The following PPM1H variants were observed in gnomAD, a reference collection of about 807,000 sequenced individuals.
PPM1H encodes the protein protein phosphatase 1H.
A neutral mutation model predicts 54.9 loss-of-function variants in PPM1H; 27 were observed. That is an observed-to-expected ratio of 0.49 (90% confidence interval 0.36 to 0.68). The LOEUF is 0.68. Among genes scored for constraint, PPM1H ranks in the 30% least tolerant of loss-of-function variants. The pLI is 0.00. For missense variants in PPM1H, 596 were observed against 667.8 expected (o/e 0.89, Z 1.19); for synonymous variants, 305 against 270.8 (o/e 1.13, Z -1.24).
chr12:62,928,936 G>T (rs1872051184), intron 1 of PPM1H, among the ~76,000 whole-genome samples: 1 of 152,150 alleles, frequency 6.6e-6, no homozygotes, highest in African/African-American at 2.4e-5. Flanking sequence ...ATTGTAACAA[G>T]TGTCAGAATA....
rs548936688 is a variant in PPM1H at position 62,765,624 on chromosome 12, A to AAG, written c.869+22600_869+22601dup. 4.7e-3 allele frequency among the ~76,000 whole-genome samples: 711 copies of AAG among 152,292 alleles called. 4 individuals are homozygous for AAG. Among genetic ancestry groups the AAG allele is most frequent in the African/African-American group, 0.016 (674 of 41,546 alleles). On this transcript the variant is annotated intron_variant, in intron 4 of 9. Transcript: ENST00000228705. ...ACAAACAAGCTCTGGCCTATTAGGG[A>AAG]AGAGAGAGAGACACCCAGTTACAGT...
At chr12:62,881,667 GAACCCTGACA>G (rs894645608) in intron 1 of PPM1H, among the ~76,000 whole-genome samples, 1 of 152,070 alleles carries the variant, frequency 6.6e-6, no homozygotes, top group Non-Finnish European at 1.5e-5. Flanking sequence ...TTCTCTGGTT[GAACCCTGACA>G]AACCCTGACA....
intron 1 of PPM1H, among the ~76,000 whole-genome samples, chr12:62,917,007 T>C (rs922601847): frequency 6.6e-6 from 1 of 152,078 alleles, no homozygotes; most frequent in African/African-American, 2.4e-5. Context: ...TTCTGAACAT[T>C]ATGAAAATGT....
intron 1 of PPM1H, among the ~76,000 whole-genome samples, chr12:62,852,876 C>T (rs1459703526): frequency 6.6e-6 from 1 of 152,236 alleles, no homozygotes; most frequent in Non-Finnish European, 1.5e-5. Flanking sequence ...ACAGCATCAG[C>T]TAGAAAGTAT....
chr12:62,889,289 G>A (rs1870698785), intron 1 of PPM1H, among the ~76,000 whole-genome samples: 2 of 152,084 alleles, frequency 1.3e-5, no homozygotes, highest in African/African-American at 4.8e-5. Context: ...TAAATGGGAA[G>A]GCAAAAGACC....
chr12:62,731,653 T>C (rs1182675832), intron 5 of PPM1H, among the ~76,000 whole-genome samples: 3 of 152,222 alleles, frequency 2.0e-5, no homozygotes, highest in Admixed American at 6.5e-5. Flanking sequence ...AAATATGTAC[T>C]TGAAACCCAC....
intron 4 of PPM1H, 62 bp from the exon 5 acceptor site, chr12:62,737,648 C>T: frequency 1.6e-6 from 2 of 1,224,766 alleles, no homozygotes; most frequent in South Asian, 1.4e-5. Context: ...TCTGTTACAA[C>T]CATTGCTTGG....
chr12:62,816,367 C>T (rs117719774), intron 2 of PPM1H, among the ~76,000 whole-genome samples: 1,557 of 152,298 alleles, frequency 0.01, 15 homozygotes, highest in South Asian at 0.022. Flanking sequence ...TGAGCACGGA[C>T]GTGACATCAC....
intron 1 of PPM1H, among the ~76,000 whole-genome samples, chr12:62,873,129 C>T (rs1318217723): frequency 6.6e-6 from 1 of 152,176 alleles, no homozygotes; most frequent in African/African-American, 2.4e-5. Flanking sequence ...TATAACTCAT[C>T]TGAGTTGGGT....
At chr12:62,849,439 T>C (rs1171885876) in intron 1 of PPM1H, among the ~76,000 whole-genome samples, 2 of 152,196 alleles carry the variant, frequency 1.3e-5, no homozygotes, top group African/African-American at 2.4e-5. Context: ...CAGATAGCCA[T>C]TGGGTGGTAA....
intron 3 of PPM1H, among the ~76,000 whole-genome samples, chr12:62,791,268 G>C (rs1223508404): frequency 1.3e-5 from 2 of 152,104 alleles, no homozygotes; most frequent in Non-Finnish European, 2.9e-5. Flanking sequence ...CTGGTAGAAG[G>C]CTGGAGGATG....
intron 9 of PPM1H, among the ~76,000 whole-genome samples, chr12:62,650,740 A>C (rs551555820): frequency 6.6e-6 from 1 of 152,214 alleles, no homozygotes; most frequent in Admixed American, 6.5e-5. Context: ...GAAGGGGGGA[A>C]ATGCCACACT....
chr12:62,801,572 C>G (rs1301896657), intron 3 of PPM1H, among the ~76,000 whole-genome samples: 1 of 152,208 alleles, frequency 6.6e-6, no homozygotes, highest in African/African-American at 2.4e-5. Flanking sequence ...TCCCAAAGTG[C>G]TGGGATTTCA....
Position 62,802,161 on chromosome 12 carries a change from C to T in PPM1H, c.412-1G>A. ...AGTGGCAGGAAACACCCTCGGATTC[C>T]TGTGGGAGAGGACGACAGGGAGGAG... is the stretch of plus-strand genomic sequence containing the variant. On this transcript the variant is annotated splice_acceptor_variant, in intron 2 of 9. Coordinates refer to ENST00000228705, the MANE Select transcript of PPM1H (RefSeq NM_020700.2). LOFTEE classifies it high-confidence loss of function. The T allele has an allele frequency of 6.4e-7, 1 of 1,558,050 alleles. No homozygotes were observed. The highest frequency in any genetic ancestry group is 8.7e-7 in the Non-Finnish European group (1 of 1,149,524).
At chr12:62,883,690 CA>C (rs1443373131) in intron 1 of PPM1H, among the ~76,000 whole-genome samples, 1 of 152,182 alleles carries the variant, frequency 6.6e-6, no homozygotes, top group Non-Finnish European at 1.5e-5. Context: ...GCACCATTAA[CA>C]GTCTCCACTT....
At chr12:62,868,196 C>T (rs1169516694) in intron 1 of PPM1H, among the ~76,000 whole-genome samples, 2 of 152,352 alleles carry the variant, frequency 1.3e-5, no homozygotes, top group Admixed American at 6.5e-5. Flanking sequence ...GCCAATCAGA[C>T]TTCTTAGAAG....
chr12:62,815,694 C>G (rs1321588185), intron 2 of PPM1H, among the ~76,000 whole-genome samples: 2 of 151,702 alleles, frequency 1.3e-5, no homozygotes, highest in African/African-American at 4.9e-5. Context: ...TCACTTCACT[C>G]TAATAAGCCT....
At chr12:62,748,039 A>G (rs2076422195) in intron 4 of PPM1H, among the ~76,000 whole-genome samples, 1 of 152,188 alleles carries the variant, frequency 6.6e-6, no homozygotes, top group Middle Eastern at 3.2e-3. Context: ...AGAAGCAGGT[A>G]ATGGTGTCCA....
At chr12:62,762,401 G>A (rs977130111) in intron 4 of PPM1H, among the ~76,000 whole-genome samples, 1 of 152,212 alleles carries the variant, frequency 6.6e-6, no homozygotes, top group African/African-American at 2.4e-5. Flanking sequence ...AGCAGGACAG[G>A]AAACTTCAGA....
Sources: allele counts gnomAD v4.1 joint callset (sites outside exome capture counted in the v4.1 genomes callset), GRCh38; gene constraint gnomAD v4.1.1; transcripts MANE v1.5; gene names NCBI Gene and HGNC (gene_info 2026-07-23, HGNC 2026-07-21).